Variants in TPX2 observed in about 807,000 individuals in gnomAD.
TPX2 encodes targeting protein for Xklp2.
TPX2 carries 21 observed loss-of-function variants against 93.6 expected under a neutral mutation model. The observed-to-expected ratio is 0.22, with a 90% CI of 0.16 to 0.32. The LOEUF (loss-of-function observed/expected upper bound fraction) is 0.32, where lower values mean the gene tolerates loss of function less well. Ranked by LOEUF, TPX2 falls within the 10% of genes least tolerant of loss-of-function variation. The pLI, the probability that TPX2 is intolerant of heterozygous loss-of-function variation, is 1.00. For missense variants in TPX2, 776 were observed against 871.1 expected, an observed-to-expected ratio of 0.89 and a Z score of 1.37; for synonymous variants, 281 against 298.3, an observed-to-expected ratio of 0.94 and a Z score of 0.60.
intron 2 of TPX2, among the ~76,000 whole-genome samples, chr20:31,745,328 C>CTTTTT (rs11458149): frequency 8.1e-6 from 1 of 123,256 alleles, no homozygotes; most frequent in Non-Finnish European, 1.6e-5. Context: ...TAGGTAAACA[C>CTTTTT]TTTTTTTTTT....
intron 2 of TPX2, among the ~76,000 whole-genome samples, chr20:31,744,755 A>G (rs1045798393): frequency 1.3e-5 from 2 of 152,082 alleles, no homozygotes; most frequent in African/African-American, 4.8e-5. Flanking sequence ...TTGGTTCTTT[A>G]TATTACTTTT....
Position 31,750,029 on chromosome 20 carries a change from C to T in TPX2, c.-70-7378C>T, listed in dbSNP as rs1026677631. On this transcript the variant is annotated intron_variant, in intron 2 of 17. Transcript: ENST00000300403. ...CTTGGCTCACTGGAACCTCCTCCTC[C>T]CGGGTTCAAGCTATTCTCCTGCCTC... 3.3e-5 allele frequency among the ~76,000 whole-genome samples: 5 copies of T among 152,020 alleles called. No homozygotes were observed. In the South Asian group the frequency reaches 1.0e-3, roughly 31 times the overall value.
At chr20:31,781,249 A>ATTTTTT (rs2062031408) in intron 10 of TPX2, among the ~76,000 whole-genome samples, 1 of 124,654 alleles carries the variant, frequency 8.0e-6, no homozygotes, top group African/African-American at 3.5e-5. Context: ...GGAAGGCCTT[A>ATTTTTT]TATCTTTTTT....
chr20:31,758,412 G>A (rs556024859), intron 3 of TPX2, among the ~76,000 whole-genome samples: 3 of 152,108 alleles, frequency 2.0e-5, no homozygotes, highest in African/African-American at 7.2e-5. Context: ...GAGCCACTGC[G>A]CCTGGCCCTC....
At chr20:31,782,227 C>T in intron 10 of TPX2, 22 bp from the exon 11 acceptor site, 4 of 1,592,682 alleles carry the variant, frequency 2.5e-6, no homozygotes, top group Non-Finnish European at 2.6e-6. Context: ...TCTAGATGAA[C>T]ATCTGTCATC....
chr20:31,766,732 G>C, intron 5 of TPX2, 50 bp downstream of exon 5: 1 of 1,580,670 alleles, frequency 6.3e-7, no homozygotes, highest in Non-Finnish European at 8.6e-7. Flanking sequence ...ATGTTCAAAG[G>C]ATAGTTACTG....
Position 31,794,428 on chromosome 20 carries a change from G to A in TPX2, c.1713G>A (p.Leu571=), listed in dbSNP as rs921196494. Residue 571 remains leucine, a synonymous_variant, in exon 15 of 18, where the codon TTG becomes TTA. Coordinates refer to ENST00000300403, the MANE Select transcript of TPX2 (RefSeq NM_012112.5). ...GEVPKFKALP[L]PHFDTINLPE... ...TGCCCAAGTTCAAGGCACTTCCCTT[G>A]CCTCATTTTGACACCATTAACCTGC... 5.0e-6 allele frequency: 8 copies of A among 1,613,990 alleles called. No homozygotes were observed. Among genetic ancestry groups the A allele is most frequent in the Non-Finnish European group, 6.8e-6 (8 of 1,179,986 alleles).
chr20:31,801,366 A>G lies in TPX2; in HGVS notation c.*286A>G, dbSNP rs2062171103. On this transcript the variant is annotated 3_prime_UTR_variant, in exon 18 of 18. Transcript: ENST00000300403. ...CAGCCGGCCTTTTATATGGGTCTTC[A>G]CTCTGACTAGAATTTAGTCTCTGTG... The G allele has an allele frequency of 3.1e-6, 1 of 321,518 alleles. No homozygotes were observed. Among genetic ancestry groups the G allele is most frequent in the South Asian group, 5.1e-5 (1 of 19,524 alleles). 19.9% of individuals were successfully genotyped at this position (321,518 alleles called of 1,614,324 possible).
chr20:31,794,554 G>A lies in TPX2; in HGVS notation c.1833+6G>A. 1 of 1,612,942 alleles carries A rather than the reference G, an allele frequency of 6.2e-7. No individual in the cohort carries two copies. Among genetic ancestry groups the A allele is most frequent in the South Asian group, 1.1e-5 (1 of 90,818 alleles). On this transcript the variant is annotated splice_donor_region_variant and intron_variant, in intron 15 of 17. Transcript: ENST00000300403. ...CACAGACTTGGAAGCACCAGGTAGGGGATGGGGAGAGCAGCCAAAATGTTA... is the reference window on the plus strand; with the variant it reads ...CACAGACTTGGAAGCACCAGGTAGGAGATGGGGAGAGCAGCCAAAATGTTA...
At position 31,792,775 on chromosome 20, in the gene TPX2, A is replaced by G. The variant is rs1433804084; in HGVS notation, c.1454A>G (p.Lys485Arg). The G allele has an allele frequency of 6.2e-7, 1 of 1,614,248 alleles. No homozygotes were observed. Among genetic ancestry groups the G allele is most frequent in the South Asian group, 1.1e-5 (1 of 91,090 alleles). Residue 485 changes from lysine to arginine, a missense_variant, in exon 13 of 18, where the codon AAG (lysine) becomes AGG (arginine). By Grantham distance (26) the Lys-to-Arg change is conservative. Coordinates refer to ENST00000300403, the MANE Select transcript of TPX2 (RefSeq NM_012112.5). Reference sequence around the variant, plus strand: ...AAGGTACTTCCAATCACCGTCCCCAAGTCACCAGCCTTTGCATTGAAGAAC... The same window carrying G: ...AAGGTACTTCCAATCACCGTCCCCAGGTCACCAGCCTTTGCATTGAAGAAC... ...EKKVLPITVP[K>R]SPAFALKNRI...
intron 2 of TPX2, among the ~76,000 whole-genome samples, chr20:31,743,298 TTTAAA>T (rs1202913784): frequency 6.6e-6 from 1 of 152,216 alleles, no homozygotes; most frequent in Admixed American, 6.5e-5. Context: ...TCCCACATAC[TTTAAA>T]TTATCTCTAG....
At position 31,740,812 on chromosome 20, in the gene TPX2, C is replaced by T. The variant is rs1161929191; in HGVS notation, c.-178+1191C>T. Among the ~76,000 whole-genome samples, 7 of 152,206 alleles carry T rather than the reference C, an allele frequency of 4.6e-5. No homozygotes were observed. The South Asian group carries it at 1.0e-3, about 23-fold the overall frequency. The stretch of plus-strand genomic sequence containing the variant: ...CCACCCTTGTCTAATTCTTGATAAC[C>T]AGAGTTTGGTTAGACAGGGACTGAA... On this transcript the variant is annotated intron_variant, in intron 1 of 17. Coordinates refer to ENST00000300403, the MANE Select transcript of TPX2 (RefSeq NM_012112.5).
intron 4 of TPX2, 61 bp from the exon 5 acceptor site, chr20:31,766,495 G>C (rs976915972): frequency 5.6e-6 from 8 of 1,429,616 alleles, no homozygotes; most frequent in Admixed American, 3.6e-5. Flanking sequence ...GTGTGTGTGT[G>C]TCTCATCTCC....
chr20:31,794,310 T>C, intron 14 of TPX2, 92 bp from the exon 15 acceptor site: 1 of 1,497,634 alleles, frequency 6.7e-7, no homozygotes, highest in Non-Finnish European at 9.0e-7. Context: ...AAGGTTTCCT[T>C]CCTTATTTTT....
At chr20:31,786,186 A>G (rs1423831182) in intron 12 of TPX2, among the ~76,000 whole-genome samples, 1 of 152,176 alleles carries the variant, frequency 6.6e-6, no homozygotes, top group Admixed American at 6.5e-5. Flanking sequence ...GAGGTTAAAT[A>G]ACTTGCCCAA....
chr20:31,750,213 G>C (rs374495611), intron 2 of TPX2, among the ~76,000 whole-genome samples: 1 of 150,536 alleles, frequency 6.6e-6, no homozygotes. Flanking sequence ...GCTGGAGTGC[G>C]ATGGTGCGAT....
rs1312296259 is a variant in TPX2 at position 31,794,482 on chromosome 20, G to T, written c.1767G>T (p.Gln589His). 6.2e-7 allele frequency: 1 copy of T among 1,614,046 alleles called. No homozygotes were observed. Among genetic ancestry groups the T allele is most frequent in the Non-Finnish European group, 8.5e-7 (1 of 1,180,052 alleles). The stretch of plus-strand genomic sequence containing the variant: ...AGAAGAAGGTAAAGAATGTGACCCA[G>T]ATTGAACCTTTCTGCTTGGAGACTG... ...LPEKKVKNVTQIEPFCLETDR... is the reference protein window; with the variant it reads ...LPEKKVKNVTHIEPFCLETDR... The change falls in exon 15 of 18, where the codon CAG (glutamine) becomes CAT (histidine). Residue 589 changes from glutamine to histidine, a missense_variant. By Grantham distance (24) the Gln-to-His change is conservative. Transcript: ENST00000300403.
At position 31,801,276 on chromosome 20, in the gene TPX2, T is replaced by C; in HGVS notation, c.*196T>C. The C allele has an allele frequency of 1.8e-6, 1 of 548,082 alleles. No homozygotes were observed. Among genetic ancestry groups the C allele is most frequent in the Non-Finnish European group, 3.3e-6 (1 of 305,310 alleles). The allele number at this position is 548,082 out of a possible 1,614,324, so 34.0% of individuals were successfully genotyped here. On this transcript the variant is annotated 3_prime_UTR_variant, in exon 18 of 18. Coordinates refer to ENST00000300403, the MANE Select transcript of TPX2 (RefSeq NM_012112.5). ...AATTGTTTTCTTACATTACTAAGGC[T>C]AATAATGAGATGTAACTCATGAATG...
At chr20:31,773,026 G>GA (rs932539731) in intron 7 of TPX2, among the ~76,000 whole-genome samples, 2 of 145,642 alleles carry the variant, frequency 1.4e-5, no homozygotes, top group Non-Finnish European at 3.0e-5. Context: ...ACCCAGGTTG[G>GA]AGTACAGTGG....
Sources: allele counts gnomAD v4.1 joint callset (sites outside exome capture counted in the v4.1 genomes callset), GRCh38; gene constraint gnomAD v4.1.1; transcripts MANE v1.5; gene names NCBI Gene and HGNC (gene_info 2026-07-23, HGNC 2026-07-21).